ATP6V1H: variants seen among roughly 807,000 people sequenced by gnomAD.
The protein encoded by ATP6V1H is V-type proton ATPase subunit H.
Under a neutral mutation model 71.7 loss-of-function variants are expected in ATP6V1H, and 39 were observed. The ratio of observed to expected loss-of-function variants is 0.54; its 90% CI spans 0.42 to 0.71. The LOEUF is 0.71. Ranked by LOEUF, ATP6V1H falls within the 30% of genes least tolerant of loss-of-function variation. The pLI is 0.00. For missense variants in ATP6V1H, 509 were observed against 594.9 expected (o/e 0.86, Z 1.50); for synonymous variants, 192 against 199.3 (o/e 0.96, Z 0.31).
At chr8:53,737,271 T>C (rs1481392806) in intron 13 of ATP6V1H, among the ~76,000 whole-genome samples, 1 of 152,212 alleles carries the variant, frequency 6.6e-6, no homozygotes, top group African/African-American at 2.4e-5. Flanking sequence ...TTTTCTACTT[T>C]GTATTTCTCT....
chr8:53,820,594 G>A (rs1243197568), intron 4 of ATP6V1H, among the ~76,000 whole-genome samples: 6 of 150,724 alleles, frequency 4.0e-5, no homozygotes, highest in African/African-American at 1.5e-4. Context: ...TTGAACCCAA[G>A]AGTTTGAGGT....
At chr8:53,842,754 GGGCCGT>G (rs1377567502) in intron 1 of ATP6V1H, 1 of 152,308 alleles carries the variant, frequency 6.6e-6, no homozygotes, top group Non-Finnish European at 1.5e-5. Flanking sequence ...CAGCGATCCA[GGGCCGT>G]GGCCCAGTCC....
At chr8:53,730,706 C>G (rs1806985970) in intron 13 of ATP6V1H, among the ~76,000 whole-genome samples, 1 of 152,170 alleles carries the variant, frequency 6.6e-6, no homozygotes, top group Non-Finnish European at 1.5e-5. Flanking sequence ...AGCATAATGT[C>G]AAAGCTGGTG....
At chr8:53,723,630 C>T (rs1465935084) in intron 13 of ATP6V1H, among the ~76,000 whole-genome samples, 3 of 152,196 alleles carry the variant, frequency 2.0e-5, no homozygotes, top group Non-Finnish European at 4.4e-5. Context: ...TGGTAATTCC[C>T]CTGCTGGGTG....
chr8:53,765,131 T>C (rs1808405458), intron 11 of ATP6V1H, among the ~76,000 whole-genome samples: 1 of 151,842 alleles, frequency 6.6e-6, no homozygotes, highest in African/African-American at 2.4e-5. Flanking sequence ...AGGCCAGGCA[T>C]GGTGGCTCCC....
intron 7 of ATP6V1H, among the ~76,000 whole-genome samples, chr8:53,808,316 G>T (rs899401112): frequency 2.6e-5 from 4 of 152,178 alleles, no homozygotes; most frequent in African/African-American, 9.7e-5. Flanking sequence ...ACGCTGTCCT[G>T]CCTTCCTCAG....
intron 10 of ATP6V1H, among the ~76,000 whole-genome samples, 190 bp downstream of exon 10, chr8:53,771,799 A>C (rs1196653544): frequency 6.6e-6 from 1 of 152,212 alleles, no homozygotes; most frequent in Non-Finnish European, 1.5e-5. Flanking sequence ...CGTAAATAAG[A>C]AGAGATAACA....
intron 4 of ATP6V1H, among the ~76,000 whole-genome samples, chr8:53,821,574 C>T (rs879801494): frequency 3.3e-5 from 5 of 152,070 alleles, no homozygotes; most frequent in Admixed American, 6.6e-5. Flanking sequence ...CCAGCTACTA[C>T]TACTCTGGAG....
chr8:53,783,983 AGGTGT>A (rs1156253760), intron 9 of ATP6V1H, among the ~76,000 whole-genome samples: 1 of 152,190 alleles, frequency 6.6e-6, no homozygotes, highest in African/African-American at 2.4e-5. Context: ...ATTTTGGAAT[AGGTGT>A]GGTGTGGTGC....
intron 9 of ATP6V1H, among the ~76,000 whole-genome samples, chr8:53,794,055 A>T (rs1188460662): frequency 2.0e-5 from 3 of 152,184 alleles, no homozygotes; most frequent in African/African-American, 7.2e-5. Flanking sequence ...GAAACTAGAA[A>T]CACCACCACA....
intron 11 of ATP6V1H, among the ~76,000 whole-genome samples, chr8:53,766,229 T>C (rs1415659434): frequency 1.4e-4 from 22 of 152,194 alleles, no homozygotes; most frequent in Admixed American, 1.4e-3. Flanking sequence ...CCCAAATTAA[T>C]ACTTTTGTAA....
At chr8:53,792,529 A>G (rs890531014) in intron 9 of ATP6V1H, among the ~76,000 whole-genome samples, 3 of 152,130 alleles carry the variant, frequency 2.0e-5, no homozygotes, top group Non-Finnish European at 2.9e-5. Flanking sequence ...TCTTCCCCTG[A>G]TATTAGCTTT....
At chr8:53,804,172 T>C (rs761922044) in intron 7 of ATP6V1H, among the ~76,000 whole-genome samples, 2 of 152,212 alleles carry the variant, frequency 1.3e-5, no homozygotes, top group Non-Finnish European at 2.9e-5. Flanking sequence ...TTTCATAGTA[T>C]AGAGAGAAAC....
At chr8:53,765,936 T>C (rs993792067) in intron 11 of ATP6V1H, among the ~76,000 whole-genome samples, 51 of 152,210 alleles carry the variant, frequency 3.4e-4, no homozygotes, top group Non-Finnish European at 5.1e-4. Context: ...GGTAAAAGAA[T>C]AGACAAATAG....
intron 2 of ATP6V1H, chr8:53,839,920 G>A (rs373569939): frequency 4.7e-5 from 46 of 985,568 alleles, no homozygotes; most frequent in East Asian, 2.3e-4. Context: ...GCATCTTCAC[G>A]ATCGGCCCCT....
chr8:53,730,061 G>A (rs920870524), intron 13 of ATP6V1H, among the ~76,000 whole-genome samples: 1 of 152,194 alleles, frequency 6.6e-6, no homozygotes, highest in South Asian at 2.1e-4. Flanking sequence ...GTCTTGGGCA[G>A]GAAAAGCAGT....
At chr8:53,787,831 T>A (rs1220929419) in intron 9 of ATP6V1H, among the ~76,000 whole-genome samples, 1 of 152,162 alleles carries the variant, frequency 6.6e-6, no homozygotes, top group Non-Finnish European at 1.5e-5. Flanking sequence ...TAAGTGAGAT[T>A]GACATTTTCA....
intron 13 of ATP6V1H, among the ~76,000 whole-genome samples, chr8:53,743,234 T>G (rs1028933377): frequency 3.3e-5 from 5 of 152,192 alleles, no homozygotes; most frequent in African/African-American, 9.6e-5. Context: ...GCTGAATAGG[T>G]AAGCCTTGCA....
Position 53,785,835 on chromosome 8 carries a change from G to A in ATP6V1H, c.870+9812C>T, listed in dbSNP as rs191374683. On this transcript the variant is annotated intron_variant, in intron 9 of 13. Transcript: ENST00000359530. ...CCCTGTTTGCCTGGGTATCAGCAGC[G>A]GTGGCTGCAGAACAGCGGATATTCG... 5.4e-3 allele frequency among the ~76,000 whole-genome samples: 825 copies of A among 152,156 alleles called. 11 individuals carry two copies. The highest frequency in any genetic ancestry group is 4.6e-3 in the Non-Finnish European group (311 of 67,980).
Sources: gnomAD v4.1 joint callset for allele counts (sites outside exome capture counted in the v4.1 genomes callset) on GRCh38, gnomAD v4.1.1 for gene constraint, MANE v1.5 for transcripts, NCBI Gene and HGNC (gene_info 2026-07-23, HGNC 2026-07-21) for gene names.